The following EPHB1 variants were observed in gnomAD, a reference collection of about 807,000 sequenced individuals.
The protein encoded by EPHB1 is EPH receptor B1.
In EPHB1, 30 loss-of-function variants were observed where a neutral mutation model predicts 94.4. That is an observed-to-expected ratio of 0.32 (90% CI 0.24 to 0.43). EPHB1 has a LOEUF of 0.43. EPHB1 is among the 20% of genes least tolerant of loss of function. The pLI, the probability that EPHB1 is intolerant of heterozygous loss-of-function variation, is 1.00. For synonymous variants in EPHB1, 522 were observed against 489.1 expected, an observed-to-expected ratio of 1.07 and a Z score of -0.89; for missense variants, 1,055 against 1,308.3, an observed-to-expected ratio of 0.81 and a Z score of 2.99.
At chr3:135,229,727 C>A (rs1287253661) in intron 12 of EPHB1, among the ~76,000 whole-genome samples, 1 of 152,198 alleles carries the variant, frequency 6.6e-6, no homozygotes, top group Non-Finnish European at 1.5e-5. Flanking sequence ...TCTCCAGAGA[C>A]AGAGCATCCA....
At chr3:134,840,348 C>G (rs1158444870) in intron 1 of EPHB1, 2 of 152,190 alleles carry the variant, frequency 1.3e-5, no homozygotes, top group Non-Finnish European at 1.5e-5. Flanking sequence ...TAGGTGAACT[C>G]CTGCCCCATC....
intron 6 of EPHB1, among the ~76,000 whole-genome samples, chr3:135,161,755 C>T (rs1030971214): frequency 5.9e-5 from 9 of 152,152 alleles, no homozygotes; most frequent in Non-Finnish European, 1.2e-4. Context: ...TAAGCTTCCT[C>T]GCCAGTCCCT....
At chr3:135,164,316 T>G (rs1272314256) in intron 7 of EPHB1, among the ~76,000 whole-genome samples, 2 of 152,328 alleles carry the variant, frequency 1.3e-5, no homozygotes. Flanking sequence ...CTTAGAAATC[T>G]TTCTCCTCCA....
intron 3 of EPHB1, among the ~76,000 whole-genome samples, chr3:135,051,128 TC>T (rs1230461644): frequency 6.6e-6 from 1 of 152,172 alleles, no homozygotes; most frequent in Non-Finnish European, 1.5e-5. Flanking sequence ...TTGCCTCATT[TC>T]GTGAGTATTT....
At chr3:135,163,625 C>T (rs373729924) in intron 7 of EPHB1, among the ~76,000 whole-genome samples, 4 of 152,190 alleles carry the variant, frequency 2.6e-5, no homozygotes, top group Non-Finnish European at 4.4e-5. Context: ...GGCATCAGGA[C>T]GTACACAGGA....
At chr3:135,179,208 A>G (rs535437768) in intron 9 of EPHB1, among the ~76,000 whole-genome samples, 1 of 152,322 alleles carries the variant, frequency 6.6e-6, no homozygotes, top group South Asian at 2.1e-4. Context: ...GAAGGCATGA[A>G]GAGTCAATCA....
intron 1 of EPHB1, among the ~76,000 whole-genome samples, chr3:134,917,968 T>A (rs2038606895): frequency 6.6e-6 from 1 of 152,224 alleles, no homozygotes; most frequent in African/African-American, 2.4e-5. Flanking sequence ...TGTACATTAG[T>A]GTTTTGGCAT....
At chr3:135,109,009 G>T in intron 4 of EPHB1, among the ~76,000 whole-genome samples, 1 of 152,202 alleles carries the variant, frequency 6.6e-6, no homozygotes, top group East Asian at 1.9e-4. Flanking sequence ...GAGGGAACAA[G>T]GGGAAGGTGC....
intron 10 of EPHB1, among the ~76,000 whole-genome samples, chr3:135,190,941 A>G (rs1209829600): frequency 1.3e-5 from 2 of 152,142 alleles, no homozygotes; most frequent in African/African-American, 4.8e-5. Context: ...ATATGATTCA[A>G]TGTGAAAAGC....
intron 1 of EPHB1, among the ~76,000 whole-genome samples, chr3:134,805,735 A>G (rs1335266374): frequency 6.6e-6 from 1 of 152,182 alleles, no homozygotes; most frequent in African/African-American, 2.4e-5. Context: ...TTTGTGTTGC[A>G]TGTCTTACTG....
chr3:135,132,457 G>A (rs370194179), intron 4 of EPHB1, among the ~76,000 whole-genome samples: 10 of 152,212 alleles, frequency 6.6e-5, no homozygotes, highest in African/African-American at 1.2e-4. Context: ...TCCTGGAACC[G>A]TCTTTCCCTT....
chr3:134,811,712 C>T (rs1273401921), intron 1 of EPHB1, among the ~76,000 whole-genome samples: 3 of 151,562 alleles, frequency 2.0e-5, no homozygotes, highest in African/African-American at 7.3e-5. Flanking sequence ...CAGTTTTCAC[C>T]TTTGCTGAGA....
chr3:134,872,223 G>A (rs1046379163), intron 1 of EPHB1, among the ~76,000 whole-genome samples: 6 of 152,198 alleles, frequency 3.9e-5, no homozygotes, highest in Admixed American at 3.9e-4. Context: ...GCCTCTCCAG[G>A]AGGAAGCTGA....
At chr3:135,125,056 C>G (rs9826352) in intron 4 of EPHB1, among the ~76,000 whole-genome samples, 6,071 of 151,784 alleles carry the variant, frequency 0.04, 211 homozygotes, top group South Asian at 0.15. Context: ...CGGCAGATTG[C>G]AGACAATGCT....
intron 3 of EPHB1, among the ~76,000 whole-genome samples, chr3:135,038,732 C>T (rs971940593): frequency 1.3e-5 from 2 of 151,566 alleles, no homozygotes; most frequent in South Asian, 2.1e-4. Context: ...AAGCTGCAGA[C>T]CTTCGCGGTG....
At position 135,192,558 on chromosome 3, in the gene EPHB1, G is replaced by A. The variant is rs1048655347; in HGVS notation, c.1883-18G>A. ...ACTGAGAAGGAAGAGGATATTAATG[G>A]CATTTTTGCTGTTGCAGGGGAGTTT... On this transcript the variant is annotated intron_variant, in intron 10 of 15. Coordinates refer to ENST00000398015, the MANE Select transcript of EPHB1 (RefSeq NM_004441.5). 6.2e-6 allele frequency: 10 copies of A among 1,611,322 alleles called. No individual in the cohort carries two copies. In the Admixed American group the frequency reaches 8.3e-5, roughly 13 times the overall value.
Position 135,152,097 on chromosome 3 carries a change from T to C in EPHB1, c.1298-2055T>C, listed in dbSNP as rs1422238241. On this transcript the variant is annotated intron_variant, in intron 5 of 15. Coordinates refer to ENST00000398015, the MANE Select transcript of EPHB1 (RefSeq NM_004441.5). ...CCTAAGGAGAATTTAGGGAACATGG[T>C]CTCATTTGGAAAAGAGCCATCTTGG... 2.6e-5 allele frequency among the ~76,000 whole-genome samples: 4 copies of C among 152,216 alleles called. 1 individual carries two copies. In the East Asian group the frequency reaches 5.8e-4, roughly 22 times the overall value.
At chr3:134,854,182 G>A (rs1326159379) in intron 1 of EPHB1, among the ~76,000 whole-genome samples, 1 of 152,148 alleles carries the variant, frequency 6.6e-6, no homozygotes, top group African/African-American at 2.4e-5. Context: ...GAGAGCACAG[G>A]GCCTGGCTCA....
chr3:135,072,956 T>C (rs1157415199), intron 3 of EPHB1, among the ~76,000 whole-genome samples: 1 of 152,170 alleles, frequency 6.6e-6, no homozygotes, highest in African/African-American at 2.4e-5. Flanking sequence ...TTATTCTAAG[T>C]CTCATCATGA....
Sources: allele counts gnomAD v4.1 joint callset (sites outside exome capture counted in the v4.1 genomes callset), GRCh38; gene constraint gnomAD v4.1.1; transcripts MANE v1.5; gene names NCBI Gene and HGNC (gene_info 2026-07-23, HGNC 2026-07-21).